ERCC6L2: variants seen among roughly 807,000 people sequenced by gnomAD.
ERCC6L2 encodes DNA excision repair protein ERCC-6-like 2.
Under a neutral mutation model 132.0 loss-of-function variants are expected in ERCC6L2, and 77 were observed. The observed-to-expected ratio is 0.58, with a 90% CI of 0.49 to 0.71. The LOEUF is 0.71. Among genes scored for constraint, ERCC6L2 ranks in the 30% least tolerant of loss-of-function variants. The pLI is 0.00. For missense variants in ERCC6L2, 1,542 were observed against 1,837.6 expected (o/e 0.84, Z 2.94); for synonymous variants, 583 against 632.4 (o/e 0.92, Z 1.17).
intron 4 of ERCC6L2, among the ~76,000 whole-genome samples, 153 bp downstream of exon 4, chr9:95,907,424 C>T (rs746108492): frequency 2.0e-5 from 3 of 146,544 alleles, no homozygotes; most frequent in Non-Finnish European, 4.5e-5. Flanking sequence ...AGGCTGGTCT[C>T]GAACTCCTGA....
intron 3 of ERCC6L2, among the ~76,000 whole-genome samples, chr9:95,898,800 A>G (rs1828602947): frequency 6.6e-6 from 1 of 152,176 alleles, no homozygotes; most frequent in African/African-American, 2.4e-5. Context: ...GAGAAGTCCA[A>G]GTTTACTCTT....
chr9:95,936,922 C>T (rs550183543), intron 11 of ERCC6L2, among the ~76,000 whole-genome samples: 2 of 152,270 alleles, frequency 1.3e-5, no homozygotes, highest in South Asian at 4.1e-4. Context: ...GCGTAATTCC[C>T]TGTAAATTCA....
Position 95,937,789 on chromosome 9 carries a change from A to G in ERCC6L2, c.1752-3665A>G, listed in dbSNP as rs689597. On this transcript the variant is annotated intron_variant, in intron 11 of 18. Transcript: ENST00000653738. ...TTTTTTTCACTGATTTTTCTCTGTT[A>G]TTTTTCTGTGTTCAGTTTTATTGAT... Among the ~76,000 whole-genome samples the G allele has an allele frequency of 5.3e-3, 775 of 147,524 alleles. 5 individuals are homozygous for G. The highest frequency in any genetic ancestry group is 9.3e-3 in the Non-Finnish European group (615 of 66,318).
At chr9:95,918,701 C>A in intron 6 of ERCC6L2, 1 of 193,556 alleles carries the variant, frequency 5.2e-6, no homozygotes, top group African/African-American at 2.4e-5. Flanking sequence ...TTCTTAAAGA[C>A]TAGAGCAGAA....
At chr9:96,034,800 G>A (rs1182399448) in intron 19 of ERCC6L2, among the ~76,000 whole-genome samples, 1 of 151,952 alleles carries the variant, frequency 6.6e-6, no homozygotes, top group Non-Finnish European at 1.5e-5. Context: ...AACTGTGGCT[G>A]TGGACCCGAG....
rs1829580251 is a variant in ERCC6L2, at chr9:95,916,234, C to G, written c.958C>G (p.Pro320Ala). Residue 320 changes from proline to alanine, a missense_variant, in exon 6 of 19, where the codon CCA becomes GCA. Physicochemically the swap from Pro to Ala is conservative, Grantham distance 27. This residue lies in a region of ERCC6L2 where 945 missense variants were observed against 1,105.2 expected (regional missense o/e 0.86). Transcript: ENST00000653738. ...CTTATTGTCTTTATAAAGGGCTGTG[C>G]CAGGCCTTTTAGGGAGTGGGACCTA... Reference protein sequence around the residue: ...ELWCVMDWAVPGLLGSGTYFK... With the variant: ...ELWCVMDWAVAGLLGSGTYFK... 6.2e-7 allele frequency: 1 copy of G among 1,613,670 alleles called. No individual in the cohort carries two copies. Among genetic ancestry groups the G allele is most frequent in the Non-Finnish European group, 8.5e-7 (1 of 1,179,786 alleles).
intron 17 of ERCC6L2, among the ~76,000 whole-genome samples, chr9:95,986,504 T>G (rs978686438): frequency 6.6e-6 from 1 of 150,820 alleles, no homozygotes; most frequent in Admixed American, 6.6e-5. Context: ...CTCCTTTTTT[T>G]TTTTTTTTTT....
chr9:95,895,927 C>T lies in ERCC6L2; in HGVS notation c.472-1922C>T, dbSNP rs577573921. On this transcript the variant is annotated intron_variant, in intron 2 of 18. Coordinates refer to ENST00000653738, the MANE Select transcript of ERCC6L2 (RefSeq NM_020207.7). Reference sequence around the variant, plus strand: ...ATTTTTAGTAGAGACGGGGTTTCACCGTGTTAGCCAGGATGGTCTTGATCT... The same window carrying T: ...ATTTTTAGTAGAGACGGGGTTTCACTGTGTTAGCCAGGATGGTCTTGATCT... Among the ~76,000 whole-genome samples the T allele has an allele frequency of 9.9e-5, 15 of 152,176 alleles. No homozygotes were observed. In the East Asian group the frequency reaches 1.5e-3, roughly 16 times the overall value.
chr9:96,018,868 T>A (rs990173594), downstream of ERCC6L2, among the ~76,000 whole-genome samples: 1 of 152,254 alleles, frequency 6.6e-6, no homozygotes, highest in Non-Finnish European at 1.5e-5. Context: ...TGGACAGAGA[T>A]AATACTCATC....
At chr9:96,011,066 C>T (rs761808958) in intron 18 of ERCC6L2, among the ~76,000 whole-genome samples, 3 of 152,200 alleles carry the variant, frequency 2.0e-5, no homozygotes, top group Admixed American at 6.5e-5. Context: ...TCATCATCAG[C>T]AAAGCAATAC....
intron 19 of ERCC6L2, among the ~76,000 whole-genome samples, chr9:96,035,007 C>T (rs941416800): frequency 2.6e-5 from 4 of 152,174 alleles, no homozygotes; most frequent in Non-Finnish European, 4.4e-5. Flanking sequence ...AGGACCTTGG[C>T]GTCTCTGTAG....
intron 17 of ERCC6L2, among the ~76,000 whole-genome samples, chr9:95,982,636 G>T (rs1279807808): frequency 1.3e-5 from 2 of 152,026 alleles, no homozygotes; most frequent in Non-Finnish European, 2.9e-5. Context: ...TAGCTAGACA[G>T]TAATTTTATG....
intron 14 of ERCC6L2, among the ~76,000 whole-genome samples, chr9:95,969,383 G>T (rs951230007): frequency 2.0e-5 from 3 of 152,218 alleles, no homozygotes; most frequent in Admixed American, 1.3e-4. Flanking sequence ...GCTGAGAGAT[G>T]ATGTCGGCTT....
At chr9:96,008,946 C>T (rs528340881) in intron 18 of ERCC6L2, among the ~76,000 whole-genome samples, 3 of 152,318 alleles carry the variant, frequency 2.0e-5, no homozygotes, top group Admixed American at 2.0e-4. Context: ...AGAAAGCAGC[C>T]TTCACAGCCT....
intron 17 of ERCC6L2, among the ~76,000 whole-genome samples, chr9:95,996,764 C>T (rs753712830): frequency 6.6e-5 from 10 of 152,324 alleles, no homozygotes; most frequent in Non-Finnish European, 1.2e-4. Context: ...TTGAGACATG[C>T]TACTCAGAAA....
chr9:95,900,184 G>A (rs1315605136), intron 3 of ERCC6L2, among the ~76,000 whole-genome samples: 3 of 151,904 alleles, frequency 2.0e-5, no homozygotes, highest in East Asian at 1.9e-4. Flanking sequence ...GTTTGAGACC[G>A]GCCTGCGCAC....
At chr9:95,969,507 G>A (rs946210516) in intron 14 of ERCC6L2, among the ~76,000 whole-genome samples, 4 of 152,150 alleles carry the variant, frequency 2.6e-5, no homozygotes, top group Admixed American at 2.6e-4. Context: ...GAGTAAAAGA[G>A]AAGAGTTAAG....
At chr9:95,883,518 A>C (rs889946851) in intron 2 of ERCC6L2, among the ~76,000 whole-genome samples, 1 of 152,202 alleles carries the variant, frequency 6.6e-6, no homozygotes, top group Non-Finnish European at 1.5e-5. Context: ...CCTGTGGTAG[A>C]ATGTTTGTTA....
chr9:95,931,841 T>G (rs769031137), intron 11 of ERCC6L2, among the ~76,000 whole-genome samples: 16 of 152,248 alleles, frequency 1.1e-4, no homozygotes, highest in East Asian at 1.9e-4. Flanking sequence ...TCTGAAGGCT[T>G]ATGTTCTTTT....
Sources: gnomAD v4.1 joint callset for allele counts (sites outside exome capture counted in the v4.1 genomes callset) on GRCh38, gnomAD v4.1.1 for gene constraint, gnomAD v4.1.1 regional missense constraint, MANE v1.5 for transcripts, NCBI Gene and HGNC (gene_info 2026-07-23, HGNC 2026-07-21) for gene names.